Variants in GABRA2 observed in about 807,000 individuals in gnomAD.
The protein encoded by GABRA2 is gamma-aminobutyric acid type A receptor subunit alpha2.
In GABRA2, 16 loss-of-function variants were observed where a neutral mutation model predicts 48.7. The ratio of observed to expected loss-of-function variants is 0.33; its 90% CI spans 0.22 to 0.50. GABRA2 has a LOEUF of 0.50. GABRA2 is among the 20% of genes least tolerant of loss of function. GABRA2 has a pLI of 0.98. For missense variants in GABRA2, 275 were observed against 535.6 expected (o/e 0.51, Z 4.80); for synonymous variants, 185 against 184.5 (o/e 1.00, Z -0.02).
intron 1 of GABRA2, chr4:46,389,491 A>G (rs368026619): frequency 1.3e-6 from 1 of 764,774 alleles, no homozygotes; most frequent in Non-Finnish European, 1.6e-6. Flanking sequence ...TGAAGACTAT[A>G]AAAGAGCCAG....
At chr4:46,314,533 A>C (rs996984809) in intron 4 of GABRA2, among the ~76,000 whole-genome samples, 1 of 152,112 alleles carries the variant, frequency 6.6e-6, no homozygotes, top group East Asian at 1.9e-4. Flanking sequence ...GCATATGTGC[A>C]GGTTTGTTAC....
intron 9 of GABRA2, among the ~76,000 whole-genome samples, chr4:46,257,491 A>G (rs1716073039): frequency 6.6e-6 from 1 of 151,672 alleles, no homozygotes; most frequent in Non-Finnish European, 1.5e-5. Flanking sequence ...GATTCTGACC[A>G]AGTAACTTTA....
intron 3 of GABRA2, among the ~76,000 whole-genome samples, chr4:46,334,848 T>A (rs970088994): frequency 3.9e-5 from 6 of 152,164 alleles, no homozygotes; most frequent in African/African-American, 1.4e-4. Flanking sequence ...GGAGATATTG[T>A]CCTGCTATGG....
chr4:46,263,755 G>A (rs1371314116), intron 8 of GABRA2, among the ~76,000 whole-genome samples: 1 of 151,860 alleles, frequency 6.6e-6, no homozygotes, highest in African/African-American at 2.4e-5. Context: ...TGTTGTTATG[G>A]TTTTGTTATG....
At position 46,318,118 on chromosome 4, in the gene GABRA2, C is replaced by A. The variant is rs530639312; in HGVS notation, c.256-5402G>T. Reference sequence around the variant, plus strand: ...ATTTAGAATCTTTTAATTGCTGCAACATAATCTATTTAAGAAAAATATTAA... The same window carrying A: ...ATTTAGAATCTTTTAATTGCTGCAAAATAATCTATTTAAGAAAAATATTAA... On this transcript the variant is annotated intron_variant, in intron 4 of 9. Coordinates refer to ENST00000381620, the MANE Select transcript of GABRA2 (RefSeq NM_000807.4). 5.3e-5 allele frequency among the ~76,000 whole-genome samples: 8 copies of A among 151,278 alleles called. No individual in the cohort carries two copies. The East Asian group carries it at 1.5e-3, about 29-fold the overall frequency.
chr4:46,389,431 C>T (rs758880021), intron 1 of GABRA2: 75 of 982,600 alleles, frequency 7.6e-5, no homozygotes, highest in Non-Finnish European at 8.2e-5. Flanking sequence ...CGTGAGGCTC[C>T]GGCAGCAAAC....
chr4:46,381,282 T>C (rs1477056891), intron 3 of GABRA2, among the ~76,000 whole-genome samples: 1 of 152,176 alleles, frequency 6.6e-6, no homozygotes, highest in African/African-American at 2.4e-5. Flanking sequence ...CATTTAACAA[T>C]GTGAAAGCCT....
chr4:46,361,167 T>A (rs1199012903), intron 3 of GABRA2, among the ~76,000 whole-genome samples: 1 of 152,124 alleles, frequency 6.6e-6, no homozygotes, highest in East Asian at 1.9e-4. Context: ...CCAATGTTAA[T>A]CACAGGACAA....
chr4:46,376,316 A>G (rs1715692702), intron 3 of GABRA2, among the ~76,000 whole-genome samples: 1 of 152,246 alleles, frequency 6.6e-6, no homozygotes, highest in African/African-American at 2.4e-5. Context: ...TCAAAATAGG[A>G]CACTAAAACA....
At chr4:46,282,915 T>G (rs948205927) in intron 8 of GABRA2, among the ~76,000 whole-genome samples, 2 of 152,224 alleles carry the variant, frequency 1.3e-5, no homozygotes, top group African/African-American at 4.8e-5. Context: ...TTATTGTTAC[T>G]AACCCAGTTT....
At chr4:46,339,759 C>T (rs1732895813) in intron 3 of GABRA2, among the ~76,000 whole-genome samples, 1 of 151,748 alleles carries the variant, frequency 6.6e-6, no homozygotes, top group African/African-American at 2.4e-5. Flanking sequence ...AACTCCTAAC[C>T]TAATAATATC....
chr4:46,347,865 T>C (rs1427198862), intron 3 of GABRA2, among the ~76,000 whole-genome samples: 2 of 151,864 alleles, frequency 1.3e-5, no homozygotes, highest in African/African-American at 4.8e-5. Flanking sequence ...AGCTCATATC[T>C]ACACTATAAA....
chr4:46,310,130 G>A, intron 6 of GABRA2, 43 bp downstream of exon 6: 1 of 1,436,520 alleles, frequency 7.0e-7, no homozygotes, highest in Non-Finnish European at 9.8e-7. Flanking sequence ...GACTTTCCCT[G>A]ATATTATTGA....
intron 3 of GABRA2, among the ~76,000 whole-genome samples, chr4:46,362,224 A>G (rs1387568488): frequency 6.6e-6 from 1 of 152,084 alleles, no homozygotes; most frequent in Admixed American, 6.6e-5. Context: ...TCATGAGGGT[A>G]GGTCTTTCCC....
chr4:46,331,661 G>A (rs1053533009), intron 4 of GABRA2, among the ~76,000 whole-genome samples: 2 of 152,038 alleles, frequency 1.3e-5, no homozygotes, highest in Non-Finnish European at 2.9e-5. Context: ...TTCATCTTTG[G>A]TGATTCCAGC....
intron 8 of GABRA2, among the ~76,000 whole-genome samples, chr4:46,301,703 C>T (rs1430858780): frequency 6.6e-6 from 1 of 152,222 alleles, no homozygotes; most frequent in African/African-American, 2.4e-5. Context: ...AGGATCCATG[C>T]TGTTGTTTTC....
At chr4:46,251,001 C>G (rs907771700) in intron 9 of GABRA2, among the ~76,000 whole-genome samples, 1 of 151,468 alleles carries the variant, frequency 6.6e-6, no homozygotes, top group Admixed American at 6.6e-5. Flanking sequence ...AATGAATGAT[C>G]CCACATTTCT....
chr4:46,313,567 TTCTCTC>T (rs3068364), intron 4 of GABRA2, among the ~76,000 whole-genome samples: 2 of 145,642 alleles, frequency 1.4e-5, no homozygotes, highest in Non-Finnish European at 3.0e-5. Flanking sequence ...GAAACTCTGT[TTCTCTC>T]TCTCTCTCTC....
intron 8 of GABRA2, among the ~76,000 whole-genome samples, chr4:46,289,913 AT>A (rs147975517): frequency 0.011 from 1,229 of 111,776 alleles, 5 homozygotes; most frequent in African/African-American, 0.028. Flanking sequence ...ATTTATTTTT[AT>A]TTTTTTTTTT....
Sources: allele counts gnomAD v4.1 joint callset (sites outside exome capture counted in the v4.1 genomes callset), GRCh38; gene constraint gnomAD v4.1.1; transcripts MANE v1.5; gene names NCBI Gene and HGNC (gene_info 2026-07-23, HGNC 2026-07-21).